GPHN: variants seen among roughly 807,000 people sequenced by gnomAD.
GPHN encodes gephyrin.
GPHN carries 17 observed loss-of-function variants against 95.5 expected under a neutral mutation model. That is an observed-to-expected ratio of 0.18 (90% confidence interval 0.12 to 0.27). The LOEUF is 0.27. Among genes scored for constraint, GPHN ranks in the 10% least tolerant of loss-of-function variants. The pLI is 1.00. For synonymous variants in GPHN, 320 were observed against 322.5 expected, an observed-to-expected ratio of 0.99 and a Z score of 0.08; for missense variants, 660 against 978.1, an observed-to-expected ratio of 0.67 and a Z score of 4.34.
At chr14:67,607,979 G>A in the GPHN span, among the ~76,000 whole-genome samples, 1 of 152,068 alleles carries the variant, frequency 6.6e-6, no homozygotes, top group Non-Finnish European at 1.5e-5. Context: ...GCTCACGCCT[G>A]TAATCTCAGC....
the GPHN span, among the ~76,000 whole-genome samples, chr14:67,219,916 G>T: frequency 1.3e-5 from 2 of 152,232 alleles, no homozygotes; most frequent in Admixed American, 1.3e-4. Flanking sequence ...TTGCCTATTT[G>T]CATCAGGAAC....
intron 8 of GPHN, among the ~76,000 whole-genome samples, chr14:66,936,534 A>G (rs1385092194): frequency 6.6e-6 from 1 of 152,242 alleles, no homozygotes; most frequent in Admixed American, 6.5e-5. Context: ...TTTAAGCTAT[A>G]AACATCTGTG....
the GPHN span, among the ~76,000 whole-genome samples, chr14:67,461,306 G>T: frequency 6.6e-6 from 1 of 152,136 alleles, no homozygotes; most frequent in South Asian, 2.1e-4. Flanking sequence ...TCTCAGACAG[G>T]TTACATAACA....
the GPHN span, among the ~76,000 whole-genome samples, chr14:67,492,731 G>A: frequency 2.6e-5 from 4 of 152,146 alleles, no homozygotes; most frequent in Non-Finnish European, 5.9e-5. Context: ...AAACAACAAG[G>A]GAACTTAGTC....
the GPHN span, among the ~76,000 whole-genome samples, chr14:67,630,917 G>A: frequency 2.6e-5 from 4 of 152,216 alleles, no homozygotes; most frequent in South Asian, 8.3e-4. Flanking sequence ...TTTCTAAGAG[G>A]TTAATGCTCC....
At chr14:67,157,994 A>G (rs1174061902) in intron 18 of GPHN, among the ~76,000 whole-genome samples, 1 of 151,880 alleles carries the variant, frequency 6.6e-6, no homozygotes, top group Non-Finnish European at 1.5e-5. Flanking sequence ...GCTAGAAAAT[A>G]TAGGAATATT....
chr14:67,659,817 C>G, the GPHN span: 145 of 1,614,030 alleles, frequency 9.0e-5, no homozygotes, highest in Non-Finnish European at 1.2e-4. Flanking sequence ...CTTCTCACCT[C>G]CCGATGGAGT....
At chr14:67,411,333 C>T in the GPHN span, among the ~76,000 whole-genome samples, 1 of 152,074 alleles carries the variant, frequency 6.6e-6, no homozygotes, top group African/African-American at 2.4e-5. Context: ...GTTCCTGTCC[C>T]AGCTATTACT....
In GPHN at chr14:67,111,936, T is replaced by C; in HGVS notation, c.1472+17T>C. ...AGATATCAGGTAACTTCAAAACACA[T>C]AGAATATATAGCCTACTTTTGTTTC... On this transcript the variant is annotated intron_variant, in intron 15 of 22. Coordinates refer to ENST00000478722, the MANE Select transcript of GPHN (RefSeq NM_020806.5). 6.3e-7 allele frequency: 1 copy of C among 1,578,212 alleles called. No homozygotes were observed. Among genetic ancestry groups the C allele is most frequent in the Non-Finnish European group, 8.7e-7 (1 of 1,147,358 alleles).
intron 2 of GPHN, among the ~76,000 whole-genome samples, chr14:66,765,855 G>A (rs10129827): frequency 0.28 from 43,034 of 151,976 alleles, 11,798 homozygotes; most frequent in African/African-American, 0.69. Context: ...ATATATATCT[G>A]GATAATTAAC....
chr14:67,440,399 C>T, the GPHN span, among the ~76,000 whole-genome samples: 3 of 151,902 alleles, frequency 2.0e-5, no homozygotes, highest in Admixed American at 6.6e-5. Context: ...AAATTACTGT[C>T]TCCCCCACCG....
chr14:67,581,287 C>A, the GPHN span, among the ~76,000 whole-genome samples: 1 of 152,028 alleles, frequency 6.6e-6, no homozygotes, highest in East Asian at 1.9e-4. Flanking sequence ...CACACACACA[C>A]ACACACACAC....
intron 2 of GPHN, among the ~76,000 whole-genome samples, chr14:66,702,699 A>C (rs2068671284): frequency 6.6e-6 from 1 of 152,220 alleles, no homozygotes; most frequent in Non-Finnish European, 1.5e-5. Flanking sequence ...GAAGATGAGA[A>C]AGAATCAATG....
At chr14:67,369,264 A>G in the GPHN span, among the ~76,000 whole-genome samples, 2 of 152,252 alleles carry the variant, frequency 1.3e-5, no homozygotes, top group South Asian at 2.1e-4. Context: ...TAGTATTTTC[A>G]GATTTAAACA....
chr14:67,465,871 A>G, the GPHN span, among the ~76,000 whole-genome samples: 2 of 152,184 alleles, frequency 1.3e-5, no homozygotes, highest in Non-Finnish European at 2.9e-5. Flanking sequence ...GAAGAGGAGG[A>G]GGCCATGTGA....
At chr14:67,479,774 C>T in the GPHN span, among the ~76,000 whole-genome samples, 4 of 152,266 alleles carry the variant, frequency 2.6e-5, no homozygotes, top group South Asian at 4.1e-4. Context: ...ATTCATACCT[C>T]GTGTATAGAA....
chr14:66,773,797 C>A (rs118049759), intron 2 of GPHN, among the ~76,000 whole-genome samples: 1,829 of 152,218 alleles, frequency 0.012, 19 homozygotes, highest in Non-Finnish European at 0.018. Context: ...GTCTCAAACT[C>A]CTGGCCTCAA....
chr14:66,911,094 TA>T (rs2065653011), intron 5 of GPHN, among the ~76,000 whole-genome samples: 1 of 152,008 alleles, frequency 6.6e-6, no homozygotes, highest in Non-Finnish European at 1.5e-5. Flanking sequence ...AAGTTTTTTT[TA>T]AGTGAATGAT....
chr14:66,591,570 A>G (rs1336267203), intron 1 of GPHN, among the ~76,000 whole-genome samples: 1 of 152,210 alleles, frequency 6.6e-6, no homozygotes, highest in Non-Finnish European at 1.5e-5. Flanking sequence ...CTACAAAGAG[A>G]ATAAAACACT....
Sources: allele counts gnomAD v4.1 joint callset (sites outside exome capture counted in the v4.1 genomes callset), GRCh38; gene constraint gnomAD v4.1.1; transcripts MANE v1.5; gene names NCBI Gene and HGNC (gene_info 2026-07-23, HGNC 2026-07-21).